ZDHHC13: variants seen among roughly 807,000 people sequenced by gnomAD.
ZDHHC13 encodes palmitoyltransferase ZDHHC13.
ZDHHC13 carries 85 observed loss-of-function variants against 86.0 expected under a neutral mutation model. The observed-to-expected ratio is 0.99, with a 90% confidence interval of 0.83 to 1.18. The LOEUF is 1.18. Ranked by LOEUF, ZDHHC13 falls within the 50% of genes most tolerant of loss-of-function variation. The pLI, the probability that ZDHHC13 is intolerant of heterozygous loss-of-function variation, is 0.00. For missense variants in ZDHHC13, 711 were observed against 730.2 expected, an observed-to-expected ratio of 0.97 and a Z score of 0.30; for synonymous variants, 263 against 246.4, an observed-to-expected ratio of 1.07 and a Z score of -0.63.
At chr11:19,125,177 G>A (rs1470692307) in intron 1 of ZDHHC13, among the ~76,000 whole-genome samples, 1 of 152,130 alleles carries the variant, frequency 6.6e-6, no homozygotes, top group Admixed American at 6.5e-5. Context: ...TAAGAGATGG[G>A]AAGGTAAGGT....
chr11:19,155,732 C>T lies in ZDHHC13; in HGVS notation c.874-64C>T. On this transcript the variant is annotated intron_variant, in intron 8 of 16. Coordinates refer to ENST00000446113, the MANE Select transcript of ZDHHC13 (RefSeq NM_019028.3). Reference sequence around the variant, plus strand: ...TACTTTGGAAGTAGTTCTTATATTGCACTATTATTAGATACTTAAGAGGTA... The same window carrying T: ...TACTTTGGAAGTAGTTCTTATATTGTACTATTATTAGATACTTAAGAGGTA... 5 of 1,532,848 alleles carry T rather than the reference C, an allele frequency of 3.3e-6. No individual in the cohort carries two copies. In the East Asian group the frequency reaches 9.2e-5, roughly 28 times the overall value. 95.0% of individuals were successfully genotyped at this position (1,532,848 alleles called of 1,614,324 possible).
chr11:19,125,578 A>T lies in ZDHHC13; in HGVS notation c.27+8302A>T, dbSNP rs534622012. 1.8e-4 allele frequency among the ~76,000 whole-genome samples: 27 copies of T among 152,356 alleles called. 1 individual carries two copies. In the South Asian group the frequency reaches 5.6e-3, roughly 32 times the overall value. On this transcript the variant is annotated intron_variant, in intron 1 of 16. Transcript: ENST00000446113. ...TCTCATAAATTTAAATATACCTAAC[A>T]TATGGCCAAGCAGTCTTATTCTTAG...
At chr11:19,117,152 A>C, upstream of ZDHHC13, 3 of 1,361,806 alleles carry the variant, frequency 2.2e-6, no homozygotes, top group Non-Finnish European at 3.0e-6. This position sits in a 1 kb window ranked among gnomAD's most constrained non-coding sequence, Gnocchi z 4.2. Context: ...TGAGGGCGCC[A>C]GCAGGAAGTG....
chr11:19,138,054 C>A (rs2133388197), intron 1 of ZDHHC13, among the ~76,000 whole-genome samples: 1 of 151,418 alleles, frequency 6.6e-6, no homozygotes, highest in Admixed American at 6.6e-5. Flanking sequence ...CAAGAAATAA[C>A]TAAAATCAGA....
intron 16 of ZDHHC13, among the ~76,000 whole-genome samples, chr11:19,174,869 A>T (rs534137807): frequency 6.6e-6 from 1 of 152,214 alleles, no homozygotes; most frequent in African/African-American, 2.4e-5. Context: ...AGATTTATAA[A>T]GATGCACAGA....
chr11:19,133,409 A>G (rs1045641661), intron 1 of ZDHHC13, among the ~76,000 whole-genome samples: 1 of 141,142 alleles, frequency 7.1e-6, no homozygotes, highest in African/African-American at 2.6e-5. Context: ...ACACACACAT[A>G]TATATATATA....
chr11:19,121,403 A>G (rs1452209609), intron 1 of ZDHHC13, among the ~76,000 whole-genome samples: 1 of 152,222 alleles, frequency 6.6e-6, no homozygotes, highest in Non-Finnish European at 1.5e-5. Context: ...TTGAAAACCA[A>G]GGACCTTGTC....
chr11:19,152,443 G>T, intron 7 of ZDHHC13, 116 bp from the exon 8 acceptor site: 1 of 1,445,052 alleles, frequency 6.9e-7, no homozygotes, highest in Non-Finnish European at 9.2e-7. Flanking sequence ...AATGATAATA[G>T]CTGGCTATCC....
intron 9 of ZDHHC13, among the ~76,000 whole-genome samples, 185 bp from the exon 10 acceptor site, chr11:19,158,755 A>G (rs931166384): frequency 1.9e-4 from 29 of 152,126 alleles, no homozygotes; most frequent in African/African-American, 6.8e-4. Flanking sequence ...CCTGTGTAAA[A>G]TGGGGGGATG....
intron 15 of ZDHHC13, among the ~76,000 whole-genome samples, chr11:19,172,127 C>T (rs1850239423): frequency 6.6e-6 from 1 of 152,170 alleles, no homozygotes; most frequent in Non-Finnish European, 1.5e-5. Context: ...TGCTGGAGTG[C>T]AGTGGCGGGA....
chr11:19,174,580 G>A (rs189308042), intron 16 of ZDHHC13, among the ~76,000 whole-genome samples: 82 of 152,346 alleles, frequency 5.4e-4, no homozygotes, highest in African/African-American at 1.8e-3. Flanking sequence ...GTAAGGGATT[G>A]GGTTAGGCAC....
At chr11:19,117,105 C>A, upstream of ZDHHC13, 1 of 843,982 alleles carries the variant, frequency 1.2e-6, no homozygotes, top group Non-Finnish European at 1.9e-6. The surrounding 1 kb of genome is among the most constrained non-coding windows in gnomAD (Gnocchi z 4.2). Flanking sequence ...GACCGATTGA[C>A]GGCTCAGGGC....
At chr11:19,135,920 T>A (rs1849125892) in intron 1 of ZDHHC13, among the ~76,000 whole-genome samples, 1 of 152,048 alleles carries the variant, frequency 6.6e-6, no homozygotes, top group Admixed American at 6.5e-5. Context: ...AAAACCCATC[T>A]GTACATCACC....
At chr11:19,123,390 G>A (rs1472894842) in intron 1 of ZDHHC13, among the ~76,000 whole-genome samples, 1 of 152,078 alleles carries the variant, frequency 6.6e-6, no homozygotes, top group African/African-American at 2.4e-5. Flanking sequence ...GCTTTGGGAG[G>A]CCAAGACGGA....
chr11:19,136,564 G>C (rs1199395100), intron 1 of ZDHHC13, among the ~76,000 whole-genome samples: 1 of 152,130 alleles, frequency 6.6e-6, no homozygotes, highest in East Asian at 1.9e-4. Context: ...AGGAAATACA[G>C]AGAATGCCAC....
Position 19,146,223 on chromosome 11 carries a change from A to T in ZDHHC13, c.216A>T (p.Gly72=), listed in dbSNP as rs779016669. 6.2e-7 allele frequency: 1 copy of T among 1,611,630 alleles called. No homozygotes were observed. The highest frequency in any genetic ancestry group is 1.3e-5 in the African/African-American group (1 of 74,868). Residue 72 remains glycine (G), a synonymous_variant, in exon 3 of 17, where the codon GGA becomes GGT. Transcript: ENST00000446113. ...GATGTAAAGAGTTGGTAGAAGCAGG[A>T]TATGATGTCAGGCAACCAGATAAAG... The part of the protein sequence containing the change: ...FERCKELVEA[G]YDVRQPDKEN...
In ZDHHC13 at chr11:19,143,034, T is replaced by C. The variant is rs747437838; in HGVS notation, c.84T>C (p.Cys28=). 1 of 1,612,716 alleles carries C rather than the reference T, an allele frequency of 6.2e-7. No individual in the cohort carries two copies. Among genetic ancestry groups the C allele is most frequent in the South Asian group, 1.1e-5 (1 of 90,846 alleles). ...CAGGATTTGGTCGATATGGCATCTG[T>C]GCACATGAAAACAAAGAACTTGCCA... is the stretch of plus-strand genomic sequence containing the variant. The part of the protein sequence containing the change: ...HPPGFGRYGI[C]AHENKELANA... The change falls in exon 2 of 17, where the codon TGT becomes TGC. Residue 28 remains cysteine, a synonymous_variant. Transcript: ENST00000446113.
At position 19,117,304 on chromosome 11, in the gene ZDHHC13, T is replaced by C; in HGVS notation, c.27+28T>C. ...GAGTGCGGCCGGGCGGTGGCTGTCC[T>C]GGGGGCCGGGAGAGCGGCTGCAGCT... On this transcript the variant is annotated intron_variant, in intron 1 of 16. Transcript: ENST00000446113. This position sits in a 1 kb window ranked among gnomAD's most constrained non-coding sequence, Gnocchi z 4.2. 1 of 1,454,590 alleles carries C rather than the reference T, an allele frequency of 6.9e-7. No individual in the cohort carries two copies. Among genetic ancestry groups the C allele is most frequent in the Non-Finnish European group, 9.1e-7 (1 of 1,103,262 alleles). The allele number at this position is 1,454,590 out of a possible 1,614,324, so 90.1% of individuals were successfully genotyped here.
At chr11:19,166,211 G>T (rs966025918) in intron 13 of ZDHHC13, 91 bp from the exon 14 acceptor site, 5 of 1,002,920 alleles carry the variant, frequency 5.0e-6, no homozygotes, top group African/African-American at 1.7e-5. Context: ...CTTTGGTGAA[G>T]ACTTTTGACA....
Sources: allele counts gnomAD v4.1 joint callset (sites outside exome capture counted in the v4.1 genomes callset), GRCh38; gene constraint gnomAD v4.1.1; non-coding constraint Gnocchi (gnomAD v3.1); transcripts MANE v1.5; gene names NCBI Gene and HGNC (gene_info 2026-07-23, HGNC 2026-07-21).